The following CEP192 variants were observed in gnomAD, a reference collection of about 807,000 sequenced individuals.
The protein encoded by CEP192 is centrosomal protein of 192 kDa.
CEP192 carries 151 observed loss-of-function variants against 271.8 expected under a neutral mutation model. The observed-to-expected ratio is 0.56, with a 90% CI of 0.49 to 0.64. CEP192 has a LOEUF of 0.64. Among genes scored for constraint, CEP192 ranks in the 30% least tolerant of loss-of-function variants. CEP192 has a pLI of 0.00. For missense variants in CEP192, 2,910 were observed against 3,020.5 expected (o/e 0.96, Z 0.86); for synonymous variants, 995 against 1,076.5 (o/e 0.92, Z 1.48).
rs141797147 is a variant in CEP192 at position 13,012,548 on chromosome 18, G to A, written c.467-425G>A. Among the ~76,000 whole-genome samples the A allele has an allele frequency of 3.8e-3, 582 of 152,238 alleles. 5 individuals are homozygous for A. The highest frequency in any genetic ancestry group is 0.013 in the African/African-American group (556 of 41,532). On this transcript the variant is annotated intron_variant, in intron 4 of 44. Transcript: ENST00000506447. ...TACAGTTGTTCATATTGATTTGTGT[G>A]AATGGGGGTCTGAGAGAGGTTTTGT...
chr18:13,097,891 C>T (rs965594829), intron 36 of CEP192, among the ~76,000 whole-genome samples: 1 of 152,136 alleles, frequency 6.6e-6, no homozygotes, highest in African/African-American at 2.4e-5. Context: ...CAAAGCACAT[C>T]TTGCACCACC....
chr18:13,104,903 A>G, intron 39 of CEP192, 81 bp from the exon 40 acceptor site: 2 of 1,035,586 alleles, frequency 1.9e-6, no homozygotes, highest in South Asian at 1.3e-5. Context: ...TGTTCTCCGC[A>G]GCCATAGAGG....
At chr18:13,027,321 G>A (rs1355846517) in intron 9 of CEP192, among the ~76,000 whole-genome samples, 1 of 152,148 alleles carries the variant, frequency 6.6e-6, no homozygotes, top group Non-Finnish European at 1.5e-5. Flanking sequence ...GAAGCCCAAG[G>A]GGATTTTTCT....
At chr18:13,041,646 A>G (rs1446334604) in intron 14 of CEP192, among the ~76,000 whole-genome samples, 2 of 151,060 alleles carry the variant, frequency 1.3e-5, no homozygotes, top group African/African-American at 4.9e-5. Flanking sequence ...GCTCACTGCA[A>G]TCTCCACCTC....
chr18:13,066,778 G>A (rs1274071003), intron 21 of CEP192, among the ~76,000 whole-genome samples: 1 of 152,060 alleles, frequency 6.6e-6, no homozygotes, highest in East Asian at 1.9e-4. Context: ...GCCTCACCCT[G>A]CTCACAACAA....
chr18:13,073,120 T>G lies in CEP192; in HGVS notation c.5551T>G (p.Cys1851Gly). ...SVLFAPTRLSCMLARLEIKQL... is the reference protein window; with the variant it reads ...SVLFAPTRLSGMLARLEIKQL... ...ATTATTTGCACCTACTCGATTATCT[T>G]GCATGTTGGCTAGACTAGAAATCAA... The change falls in exon 30 of 45, where the codon TGC becomes GGC. Residue 1851 changes from cysteine (C) to glycine (G), a missense_variant. By Grantham distance (159) the Cys-to-Gly change is radical (BLOSUM62 -3). Transcript: ENST00000506447. The G allele has an allele frequency of 6.2e-7, 1 of 1,613,872 alleles. No homozygotes were observed. The highest frequency in any genetic ancestry group is 8.5e-7 in the Non-Finnish European group (1 of 1,179,920).
In CEP192 at chr18:13,111,232, C is replaced by G. The variant is rs960337681; in HGVS notation, c.7048-2354C>G. On this transcript the variant is annotated intron_variant, in intron 40 of 44. Coordinates refer to ENST00000506447, the MANE Select transcript of CEP192 (RefSeq NM_032142.4). Reference sequence around the variant, plus strand: ...CTCTGCCTCCTGGGTTCAAGTGATTCTCCTGTCTCAGCCTCCCGAGTAGCT... The same window carrying G: ...CTCTGCCTCCTGGGTTCAAGTGATTGTCCTGTCTCAGCCTCCCGAGTAGCT... 9.8e-5 allele frequency among the ~76,000 whole-genome samples: 15 copies of G among 152,318 alleles called. No individual in the cohort carries two copies. The Middle Eastern group carries it at 0.02, about 207-fold the overall frequency.
intron 11 of CEP192, among the ~76,000 whole-genome samples, chr18:13,036,586 GC>G (rs2035930202): frequency 6.6e-6 from 1 of 152,240 alleles, no homozygotes; most frequent in Admixed American, 6.5e-5. Flanking sequence ...AGGGTCTTGG[GC>G]CTCCTAGTTT....
At chr18:13,111,833 A>G (rs1014350412) in intron 40 of CEP192, among the ~76,000 whole-genome samples, 1 of 152,252 alleles carries the variant, frequency 6.6e-6, no homozygotes, top group African/African-American at 2.4e-5. Context: ...CATTTTCCCA[A>G]AGAAAACATA....
chr18:13,120,741 C>T (rs2040622130), intron 44 of CEP192, among the ~76,000 whole-genome samples: 2 of 152,156 alleles, frequency 1.3e-5, no homozygotes, highest in Admixed American at 1.3e-4. Context: ...TATTAACTAT[C>T]ACTATAGGAC....
intron 9 of CEP192, among the ~76,000 whole-genome samples, chr18:13,025,582 A>G (rs2035248012): frequency 6.6e-6 from 1 of 152,144 alleles, no homozygotes; most frequent in Non-Finnish European, 1.5e-5. Context: ...ATCAGATATA[A>G]TTCTTTTTTG....
In CEP192 at chr18:13,049,395, A is replaced by G. The variant is rs1056687942; in HGVS notation, c.2604A>G (p.Thr868=). ...FRTINSSNSV[T]NRENNSAVVD... is the part of the protein sequence containing the mutation. ...CCATAAACTCCTCAAATTCAGTTACAAATAGAGAGAATAACAGTGCAGTAG... is the reference window on the plus strand; with the variant it reads ...CCATAAACTCCTCAAATTCAGTTACGAATAGAGAGAATAACAGTGCAGTAG... Residue 868 remains threonine, a synonymous_variant, in exon 16 of 45, where the codon ACA becomes ACG. Transcript: ENST00000506447. 1.2e-6 allele frequency: 2 copies of G among 1,614,032 alleles called. No homozygotes were observed. Among genetic ancestry groups the G allele is most frequent in the African/African-American group, 1.3e-5 (1 of 74,920 alleles).
intron 20 of CEP192, 189 bp from the exon 21 acceptor site, chr18:13,058,893 A>C (rs552545089): frequency 1.7e-6 from 1 of 585,800 alleles, no homozygotes; most frequent in African/African-American, 1.9e-5. Context: ...AGAACATTCA[A>C]CTCAGGAAGC....
At chr18:13,116,310 T>C in intron 42 of CEP192, 67 bp from the exon 43 acceptor site, 3 of 1,432,376 alleles carry the variant, frequency 2.1e-6, no homozygotes, top group Non-Finnish European at 2.9e-6. Flanking sequence ...ATAATTTTAA[T>C]ATATAAAAAC....
rs2040306288 is a variant in CEP192 at position 13,113,639 on chromosome 18, T to C, written c.7101T>C (p.Asp2367=). 1 of 1,613,404 alleles carries C rather than the reference T, an allele frequency of 6.2e-7. No individual in the cohort carries two copies. The highest frequency in any genetic ancestry group is 1.7e-5 in the Admixed American group (1 of 59,948). The part of the protein sequence containing the change: ...RGRGDYAQFW[D]VECHPLKEPH... ...GGGGGGATTATGCCCAGTTTTGGGA[T>C]GTTGAATGTCACCCTCTTAAGGAGC... Residue 2367 remains aspartate, a synonymous_variant, in exon 41 of 45, where the codon GAT becomes GAC. Transcript: ENST00000506447.
Position 13,124,175 on chromosome 18 carries a change from C to CCTTTTGCTCTAAA in CEP192, c.7476-457_7476-456insCTTTTGCTCTAAA, listed in dbSNP as rs747342487. ...AACTCCGTCTCAAAAAAAAAAGGATCATATGAATTTTAGAGCAAAAACTGC... is the reference window on the plus strand; with the variant it reads ...AACTCCGTCTCAAAAAAAAAAGGATCCTTTTGCTCTAAAATATGAATTTTAGAGCAAAAACTGC... On this transcript the variant is annotated intron_variant, in intron 44 of 44. Transcript: ENST00000506447. Among the ~76,000 whole-genome samples the CCTTTTGCTCTAAA allele has an allele frequency of 2.4e-3, 364 of 152,096 alleles. 2 individuals are homozygous for CCTTTTGCTCTAAA. The highest frequency in any genetic ancestry group is 4.3e-3 in the Non-Finnish European group (289 of 67,986).
chr18:13,026,765 A>G (rs1374634339), intron 9 of CEP192, among the ~76,000 whole-genome samples: 2 of 152,056 alleles, frequency 1.3e-5, no homozygotes, highest in Non-Finnish European at 2.9e-5. Context: ...CTCTGTTTAC[A>G]TTGCCACTCT....
chr18:13,053,816 A>G (rs1451396767), intron 18 of CEP192, among the ~76,000 whole-genome samples: 3 of 152,214 alleles, frequency 2.0e-5, no homozygotes, highest in South Asian at 4.2e-4. Context: ...CAGCCTCCCA[A>G]GTAGCTGGGA....
chr18:13,010,234 A>G (rs1369809396), intron 4 of CEP192, among the ~76,000 whole-genome samples: 1 of 152,150 alleles, frequency 6.6e-6, no homozygotes, highest in Admixed American at 6.5e-5. Flanking sequence ...CTCCACATTC[A>G]CTTTCTTTTA....
Sources: allele counts gnomAD v4.1 joint callset (sites outside exome capture counted in the v4.1 genomes callset), GRCh38; gene constraint gnomAD v4.1.1; transcripts MANE v1.5; gene names NCBI Gene and HGNC (gene_info 2026-07-23, HGNC 2026-07-21).